IPMK: variants seen among roughly 807,000 people sequenced by gnomAD.
IPMK encodes the protein inositol 1,3,4,6-tetrakisphosphate 5-kinase.
IPMK carries 17 observed loss-of-function variants against 45.8 expected under a neutral mutation model. The observed-to-expected ratio is 0.37, with a 90% CI of 0.25 to 0.56. The LOEUF is 0.56. Ranked by LOEUF, IPMK falls within the 20% of genes least tolerant of loss-of-function variation. The pLI, the probability that IPMK is intolerant of heterozygous loss-of-function variation, is 0.79. For synonymous variants in IPMK, 180 were observed against 184.3 expected (o/e 0.98, Z 0.19); for missense variants, 399 against 498.0 (o/e 0.80, Z 1.89).
chr10:58,217,688 C>CAAAAAAAA (rs11393849), intron 3 of IPMK, among the ~76,000 whole-genome samples: 4,789 of 49,012 alleles, frequency 0.098, 629 homozygotes, highest in East Asian at 0.23. Context: ...AACTCCATCT[C>CAAAAAAAA]AAAAAAAAAA....
Position 58,231,538 on chromosome 10 carries a change from A to G in IPMK, c.277-4399T>C, listed in dbSNP as rs368278505. ...GGCCAACATTCAACATACTTAAAGA[A>G]AAGAATTTTCAACCCAGAATTTCAT... On this transcript the variant is annotated intron_variant, in intron 2 of 5. Coordinates refer to ENST00000373935, the MANE Select transcript of IPMK (RefSeq NM_152230.5). Among the ~76,000 whole-genome samples, 12 of 152,320 alleles carry G rather than the reference A, an allele frequency of 7.9e-5. No individual in the cohort carries two copies. The East Asian group carries it at 9.6e-4, about 12-fold the overall frequency.
intron 4 of IPMK, among the ~76,000 whole-genome samples, chr10:58,199,911 A>G (rs1837972733): frequency 6.6e-6 from 1 of 152,190 alleles, no homozygotes; most frequent in African/African-American, 2.4e-5. Context: ...AACTCATTAG[A>G]AAATGTAATG....
chr10:58,247,567 A>G (rs1838820641), intron 1 of IPMK, among the ~76,000 whole-genome samples: 2 of 152,040 alleles, frequency 1.3e-5, no homozygotes, highest in African/African-American at 2.4e-5. Flanking sequence ...AAAAAACCAA[A>G]CACCACATAT....
At chr10:58,244,389 C>T (rs1346818857) in intron 1 of IPMK, among the ~76,000 whole-genome samples, 6 of 99,498 alleles carry the variant, frequency 6.0e-5, no homozygotes, top group African/African-American at 1.1e-4. Context: ...TCTGCCCGGC[C>T]GCTCCTCGTC....
rs1564525380 is a variant in IPMK, at chr10:58,193,564, T to C, written c.*2512A>G. 6.6e-6 allele frequency: 1 copy of C among 151,818 alleles called. No homozygotes were observed. Among genetic ancestry groups the C allele is most frequent in the Non-Finnish European group, 1.5e-5 (1 of 67,744 alleles). 9.4% of individuals were successfully genotyped at this position (151,818 alleles called of 1,614,324 possible). On this transcript the variant is annotated 3_prime_UTR_variant, in exon 6 of 6. Transcript: ENST00000373935. ...ATTAATGTAAATATTATAAAACTAT[T>C]ATACAATTTAAATTTTTATTAGAGA...
intron 1 of IPMK, among the ~76,000 whole-genome samples, chr10:58,238,175 G>A (rs538618247): frequency 4.6e-5 from 7 of 152,296 alleles, no homozygotes; most frequent in South Asian, 2.1e-4. Flanking sequence ...GCAATAGCAC[G>A]AATTGACCCC....
At position 58,267,784 on chromosome 10, in the gene IPMK, G is replaced by C; in HGVS notation, c.-173C>G. The C allele has an allele frequency of 1.8e-6, 1 of 559,976 alleles. No individual in the cohort carries two copies. The highest frequency in any genetic ancestry group is 3.3e-5 in the East Asian group (1 of 30,764). 34.7% of individuals were successfully genotyped at this position (559,976 alleles called of 1,614,324 possible). A position where few individuals can be genotyped will look rare whatever the true frequency, so the allele number is the denominator to read the frequency against. On this transcript the variant is annotated 5_prime_UTR_variant, in exon 1 of 6. Transcript: ENST00000373935. ...GGGGCCCATGACGCCGCCGGGGCGCGGGCGCTCCTCTGCCCAACTCTCGGC... is the reference window on the plus strand; with the variant it reads ...GGGGCCCATGACGCCGCCGGGGCGCCGGCGCTCCTCTGCCCAACTCTCGGC...
chr10:58,237,783 C>A lies in IPMK; in HGVS notation c.222G>T (p.Leu74Phe). The change falls in exon 2 of 6, where the codon TTG becomes TTT. Residue 74 changes from leucine to phenylalanine, a missense_variant. By Grantham distance (22) the Leu-to-Phe change is conservative. Around this residue, in one of 2 missense-constraint regions of IPMK, gnomAD observed 288 missense variants for 398.0 expected, o/e 0.72. Coordinates refer to ENST00000373935, the MANE Select transcript of IPMK (RefSeq NM_152230.5). ...CCCTTGGAGGTGGTTGTAACTGTTT[C>A]AAAACTGTGCCATCTGGATGTTGCA... ...GILQHPDGTV[L>F]KQLQPPPRGP... 1 of 1,613,722 alleles carries A rather than the reference C, an allele frequency of 6.2e-7. No homozygotes were observed. The highest frequency in any genetic ancestry group is 8.5e-7 in the Non-Finnish European group (1 of 1,179,774).
intron 3 of IPMK, among the ~76,000 whole-genome samples, chr10:58,225,410 T>C (rs370652334): frequency 7.1e-4 from 108 of 152,234 alleles, no homozygotes; most frequent in African/African-American, 2.6e-3. Context: ...TATATTAGCA[T>C]AGCTGAACTT....
chr10:58,206,863 G>GCCTATAGTATT (rs1490455916), intron 4 of IPMK, among the ~76,000 whole-genome samples: 7 of 152,068 alleles, frequency 4.6e-5, no homozygotes, highest in Non-Finnish European at 8.8e-5. Flanking sequence ...ACTTGTGAGA[G>GCCTATAGTATT]CCTATAGTAT....
intron 1 of IPMK, among the ~76,000 whole-genome samples, chr10:58,263,836 G>A (rs1839110296): frequency 2.6e-5 from 4 of 152,254 alleles, no homozygotes; most frequent in Middle Eastern, 6.8e-3. Context: ...CCATCGTAAG[G>A]AACTATCAGA....
intron 5 of IPMK, among the ~76,000 whole-genome samples, chr10:58,198,983 G>C (rs1837957670): frequency 6.6e-6 from 1 of 151,940 alleles, no homozygotes; most frequent in Non-Finnish European, 1.5e-5. Context: ...CTGGTACACA[G>C]CTGTTCATTT....
rs577980615 is a variant in IPMK at position 58,192,564 on chromosome 10, A to G, written c.*3512T>C. 1.3e-5 allele frequency: 2 copies of G among 152,058 alleles called. No homozygotes were observed. Among genetic ancestry groups the G allele is most frequent in the East Asian group, 3.9e-4 (2 of 5,176 alleles). 9.4% of individuals were successfully genotyped at this position (152,058 alleles called of 1,614,324 possible). A position where few individuals can be genotyped will look rare whatever the true frequency, so the allele number is the denominator to read the frequency against. ...CTTATTTAGATGCCTATTTTTCTAT[A>G]TCTCTATTTTAATTAAGTCCCCAAT... On this transcript the variant is annotated 3_prime_UTR_variant, in exon 6 of 6. Transcript: ENST00000373935.
intron 3 of IPMK, among the ~76,000 whole-genome samples, chr10:58,220,624 G>C (rs1408562799): frequency 7.0e-6 from 1 of 143,748 alleles, no homozygotes; most frequent in East Asian, 2.1e-4. Flanking sequence ...AAAGCACTTA[G>C]CATAGTGTCA....
At chr10:58,234,700 A>G (rs1034265042) in intron 2 of IPMK, among the ~76,000 whole-genome samples, 1 of 152,250 alleles carries the variant, frequency 6.6e-6, no homozygotes, top group Admixed American at 6.5e-5. Flanking sequence ...TTAGACCTAA[A>G]ACCATAAAAA....
intron 4 of IPMK, among the ~76,000 whole-genome samples, chr10:58,210,101 T>G (rs1354796072): frequency 2.0e-5 from 3 of 151,746 alleles, no homozygotes; most frequent in African/African-American, 2.4e-5. Context: ...TGGGGCTTGC[T>G]GCAGCCACTG....
At chr10:58,249,718 T>C (rs1279070753) in intron 1 of IPMK, among the ~76,000 whole-genome samples, 6 of 152,238 alleles carry the variant, frequency 3.9e-5, no homozygotes, top group African/African-American at 1.4e-4. Context: ...CCCATTTGTA[T>C]GTCTGCTTTT....
intron 2 of IPMK, among the ~76,000 whole-genome samples, chr10:58,230,636 CA>C (rs1838500844): frequency 1.3e-5 from 2 of 152,020 alleles, no homozygotes; most frequent in Non-Finnish European, 2.9e-5. Context: ...TCAACATCAA[CA>C]AAAAGGTCAT....
At chr10:58,219,715 C>A (rs970289894) in intron 3 of IPMK, among the ~76,000 whole-genome samples, 9 of 152,200 alleles carry the variant, frequency 5.9e-5, no homozygotes, top group African/African-American at 2.2e-4. Flanking sequence ...AACTAAGTTT[C>A]CTAAATGAAA....
Sources: gnomAD v4.1 joint callset for allele counts (sites outside exome capture counted in the v4.1 genomes callset) on GRCh38, gnomAD v4.1.1 for gene constraint, gnomAD v4.1.1 regional missense constraint, MANE v1.5 for transcripts, NCBI Gene and HGNC (gene_info 2026-07-23, HGNC 2026-07-21) for gene names.